Variants in CLK2 observed in about 807,000 individuals in gnomAD.
CLK2 encodes the protein CDC like kinase 2, also known as dual specificity protein kinase CLK2.
In CLK2, 12 loss-of-function variants were observed where a neutral mutation model predicts 73.5. That is an observed-to-expected ratio of 0.16 (90% confidence interval 0.10 to 0.26). The LOEUF (loss-of-function observed/expected upper bound fraction) is 0.26, where lower values mean the gene tolerates loss of function less well. Among genes scored for constraint, CLK2 ranks in the 10% least tolerant of loss-of-function variants. The pLI, the probability that CLK2 is intolerant of heterozygous loss-of-function variation, is 1.00. For synonymous variants in CLK2, 232 were observed against 237.9 expected (o/e 0.98, Z 0.23); for missense variants, 509 against 688.4 (o/e 0.74, Z 2.92).
At chr1:155,270,592 C>T (rs115310831) in intron 2 of CLK2, among the ~76,000 whole-genome samples, 3,258 of 152,254 alleles carry the variant, frequency 0.021, 114 homozygotes, top group African/African-American at 0.075. Flanking sequence ...CATCCTGCCC[C>T]ACTCCAACCA....
chr1:155,267,092 G>GTT (rs1330947756), intron 6 of CLK2, among the ~76,000 whole-genome samples, 197 bp from the exon 7 acceptor site: 1 of 151,876 alleles, frequency 6.6e-6, no homozygotes, highest in Non-Finnish European at 1.5e-5. Context: ...TATCTGCCAG[G>GTT]TTTTTTTCTT....
At chr1:155,266,563 A>G (rs748311851) in intron 7 of CLK2, among the ~76,000 whole-genome samples, 166 bp downstream of exon 7, 1 of 152,272 alleles carries the variant, frequency 6.6e-6, no homozygotes, top group Non-Finnish European at 1.5e-5. Flanking sequence ...CGATAAAGAC[A>G]TCAGTCAAGG....
chr1:155,273,095 C>T (rs1333245619), intron 1 of CLK2, 106 bp downstream of exon 1: 3 of 152,280 alleles, frequency 2.0e-5, no homozygotes, highest in African/African-American at 7.2e-5. Context: ...TCTCAACTCT[C>T]CTCCTCTCCA....
intron 1 of CLK2, among the ~76,000 whole-genome samples, chr1:155,272,142 G>C (rs1212268818): frequency 6.6e-6 from 1 of 151,134 alleles, no homozygotes; most frequent in Admixed American, 6.6e-5. Flanking sequence ...TCAGCCTCCC[G>C]AGTAGCTGGG....
At chr1:155,270,658 A>G (rs1673450072) in intron 2 of CLK2, 150 bp downstream of exon 2, 1 of 860,556 alleles carries the variant, frequency 1.2e-6, no homozygotes, top group South Asian at 1.6e-5. Flanking sequence ...TTAACACTGC[A>G]GCCCAAATGG....
chr1:155,264,209 CT>C lies in CLK2; in HGVS notation c.1226+11del. The C allele has an allele frequency of 6.2e-7, 1 of 1,614,020 alleles. No homozygotes were observed. The highest frequency in any genetic ancestry group is 2.2e-5 in the East Asian group (1 of 44,878). On this transcript the variant is annotated intron_variant, in intron 11 of 12. Transcript: ENST00000368361. ...AAGGAAAAGAGTTAACTAGTGCCCC[CT>C]CAAGGTTCACCTTGTCTTTCGGATC...
In CLK2 at chr1:155,263,216, C is replaced by T. The variant is rs148908482; in HGVS notation, c.*2G>A. On this transcript the variant is annotated 3_prime_UTR_variant, in exon 13 of 13. Transcript: ENST00000368361. ...GATGCAGGGGGGCCCAGGGCCTGATCGTCACCGACTGATATCCCGACTGGA... is the reference window on the plus strand; with the variant it reads ...GATGCAGGGGGGCCCAGGGCCTGATTGTCACCGACTGATATCCCGACTGGA... 5.3e-4 allele frequency: 861 copies of T among 1,611,358 alleles called. 4 individuals are homozygous for T. Among genetic ancestry groups the T allele is most frequent in the Non-Finnish European group, 6.5e-4 (771 of 1,178,940 alleles).
At position 155,268,837 on chromosome 1, in the gene CLK2, A is replaced by C; in HGVS notation, c.400-42T>G. 8.1e-6 allele frequency: 4 copies of C among 491,870 alleles called. No individual in the cohort carries two copies. The highest frequency in any genetic ancestry group is 1.2e-5 in the Non-Finnish European group (4 of 337,770). The allele number at this position is 491,870 out of a possible 1,614,324, so 30.5% of individuals were successfully genotyped here. A position where few individuals can be genotyped will look rare whatever the true frequency, so the allele number is the denominator to read the frequency against. On this transcript the variant is annotated intron_variant, in intron 3 of 12. Transcript: ENST00000368361. The surrounding 1 kb of genome is among the most constrained non-coding windows in gnomAD (Gnocchi z 5.6). ...GGGGTCGGAGCAAGCCAGGTGTCGG[A>C]GCGGGGGCCGGAGGGAGGCGGGGTG... is the stretch of plus-strand genomic sequence containing the variant.
Position 155,268,407 on chromosome 1 carries a change from G to C in CLK2, c.488-48C>G, listed in dbSNP as rs750481760. The C allele has an allele frequency of 6.5e-7, 1 of 1,528,476 alleles. No individual in the cohort carries two copies. The highest frequency in any genetic ancestry group is 9.1e-7 in the Non-Finnish European group (1 of 1,102,796). The allele number at this position is 1,528,476 out of a possible 1,614,324, so 94.7% of individuals were successfully genotyped here. ...CGGGGAGAGGGAGGGAGAGAAGGTG[G>C]GGAATGAGCTGAGTTGGAAGAAAAA... On this transcript the variant is annotated intron_variant, in intron 4 of 12. Coordinates refer to ENST00000368361, the MANE Select transcript of CLK2 (RefSeq NM_001294338.2). This position sits in a 1 kb window ranked among gnomAD's most constrained non-coding sequence, Gnocchi z 5.6.
At chr1:155,265,738 A>C in intron 8 of CLK2, 122 bp downstream of exon 8, 2 of 762,012 alleles carry the variant, frequency 2.6e-6, no homozygotes. Context: ...ACCCAGTTGG[A>C]GCCAGACAGG....
rs994507989 is a variant in CLK2 at position 155,269,618 on chromosome 1, T to A, written c.269A>T (p.Tyr90Phe). 6 of 1,614,248 alleles carry A rather than the reference T, an allele frequency of 3.7e-6. No homozygotes were observed. Among genetic ancestry groups the A allele is most frequent in the Non-Finnish European group, 5.1e-6 (6 of 1,180,036 alleles). Residue 90 changes from tyrosine (Y) to phenylalanine (F), a missense_variant, in exon 3 of 13, where the codon TAC (tyrosine) becomes TTC (phenylalanine). Physicochemically the swap from Tyr to Phe is conservative, Grantham distance 22. This residue lies in a region of CLK2 where 222 missense variants were observed against 221.7 expected (regional missense o/e 1.00). Transcript: ENST00000368361. ...NDYSRDRGDA[Y>F]YDTDYRHSYE... ...GGAATGCCGATAGTCTGTGTCATAGTAGGCATCTCCCCGATCCCGGCTATA... is the reference window on the plus strand; with the variant it reads ...GGAATGCCGATAGTCTGTGTCATAGAAGGCATCTCCCCGATCCCGGCTATA...
intron 6 of CLK2, among the ~76,000 whole-genome samples, chr1:155,267,492 CA>C (rs1380372727): frequency 6.6e-6 from 1 of 152,190 alleles, no homozygotes; most frequent in Non-Finnish European, 1.5e-5. Flanking sequence ...CCTGAATCAT[CA>C]AACTGTCCAT....
chr1:155,268,154 T>C lies in CLK2; in HGVS notation c.555-28A>G, dbSNP rs1673321478. ...GTAAGTTGGCAGGAGAGGCTTTTGCTGGGTTCTCAAGAATGTCTCAAAATG... is the reference window on the plus strand; with the variant it reads ...GTAAGTTGGCAGGAGAGGCTTTTGCCGGGTTCTCAAGAATGTCTCAAAATG... On this transcript the variant is annotated intron_variant, in intron 5 of 12. Transcript: ENST00000368361. This position sits in a 1 kb window ranked among gnomAD's most constrained non-coding sequence, Gnocchi z 5.6. The C allele has an allele frequency of 6.3e-7, 1 of 1,598,958 alleles. No homozygotes were observed. The highest frequency in any genetic ancestry group is 8.6e-7 in the Non-Finnish European group (1 of 1,166,206).
In CLK2 at chr1:155,263,269, C is replaced by T. The variant is rs777465511; in HGVS notation, c.1449G>A (p.Arg483=). 1 of 1,614,106 alleles carries T rather than the reference C, an allele frequency of 6.2e-7. No homozygotes were observed. The highest frequency in any genetic ancestry group is 1.1e-5 in the South Asian group (1 of 91,080). Reference sequence around the variant, plus strand: ...CCCACAACTTGTTGGGCGGCTCAGCCCGAAGGCGGGCGAAGAAAGGATGCT... The same window carrying T: ...CCCACAACTTGTTGGGCGGCTCAGCTCGAAGGCGGGCGAAGAAAGGATGCT... The part of the protein sequence containing the change: ...ALQHPFFARL[R]AEPPNKLWDS... The change falls in exon 13 of 13, where the codon CGG becomes CGA. Residue 483 remains arginine, a synonymous_variant. Coordinates refer to ENST00000368361, the MANE Select transcript of CLK2 (RefSeq NM_001294338.2).
At chr1:155,266,067 A>G (rs1367641308) in intron 7 of CLK2, 113 bp from the exon 8 acceptor site, 1 of 746,646 alleles carries the variant, frequency 1.3e-6, no homozygotes, top group African/African-American at 1.7e-5. Flanking sequence ...CAGGTCCAGA[A>G]TCACTAGGGC....
intron 11 of CLK2, 65 bp downstream of exon 11, chr1:155,264,156 G>A (rs182102889): frequency 3.1e-6 from 5 of 1,588,994 alleles, no homozygotes; most frequent in Non-Finnish European, 4.3e-6. Flanking sequence ...AGAAAATGAT[G>A]TGAAATAGAC....
In CLK2 at chr1:155,268,610, T is replaced by C. The variant is rs1389618523; in HGVS notation, c.487+98A>G. ...AAACCACCCAGATAAACAACACCAC[T>C]GAGAAAAGGCAAGAGGCTGTGACTC... On this transcript the variant is annotated intron_variant, in intron 4 of 12. Coordinates refer to ENST00000368361, the MANE Select transcript of CLK2 (RefSeq NM_001294338.2). The surrounding 1 kb of genome is among the most constrained non-coding windows in gnomAD (Gnocchi z 5.6). The C allele has an allele frequency of 2.6e-6, 3 of 1,167,404 alleles. No homozygotes were observed. The highest frequency in any genetic ancestry group is 3.9e-6 in the Non-Finnish European group (3 of 777,704). The allele number at this position is 1,167,404 out of a possible 1,614,324, so 72.3% of individuals were successfully genotyped here. A position where few individuals can be genotyped will look rare whatever the true frequency, so the allele number is the denominator to read the frequency against.
At chr1:155,263,878 C>A in intron 12 of CLK2, 72 bp downstream of exon 12, 1 of 1,480,960 alleles carries the variant, frequency 6.8e-7, no homozygotes, top group Non-Finnish European at 9.4e-7. Flanking sequence ...AAGAGCATTC[C>A]AGGGGGCAAA....
In CLK2 at chr1:155,268,861, T is replaced by TGG; in HGVS notation, c.400-68_400-67dup. ...GAGCGGGGGCCGGAGGGAGGCGGGG[T>TGG]GGGTGGTAGAGGGGTCACCGGTCAC... On this transcript the variant is annotated intron_variant, in intron 3 of 12. Coordinates refer to ENST00000368361, the MANE Select transcript of CLK2 (RefSeq NM_001294338.2). The surrounding 1 kb of genome is among the most constrained non-coding windows in gnomAD (Gnocchi z 5.6). 4.2e-6 allele frequency: 1 copy of TGG among 237,798 alleles called. No homozygotes were observed. The highest frequency in any genetic ancestry group is 7.5e-6 in the Non-Finnish European group (1 of 134,188). The allele number at this position is 237,798 out of a possible 1,614,324, so 14.7% of individuals were successfully genotyped here. A position where few individuals can be genotyped will look rare whatever the true frequency, so the allele number is the denominator to read the frequency against.
Sources: gnomAD v4.1 joint callset for allele counts (sites outside exome capture counted in the v4.1 genomes callset) on GRCh38, gnomAD v4.1.1 for gene constraint, gnomAD v4.1.1 regional missense constraint, Gnocchi (gnomAD v3.1) non-coding constraint, MANE v1.5 for transcripts, NCBI Gene and HGNC (gene_info 2026-07-23, HGNC 2026-07-21) for gene names.